CRTAC1: variants seen among roughly 807,000 people sequenced by gnomAD.
The protein encoded by CRTAC1 is cartilage acidic protein 1.
In CRTAC1, 37 loss-of-function variants were observed where a neutral mutation model predicts 67.8. The observed-to-expected ratio is 0.55, with a 90% CI of 0.42 to 0.72. The LOEUF (loss-of-function observed/expected upper bound fraction) is 0.72. Among genes scored for constraint, CRTAC1 ranks in the 30% least tolerant of loss-of-function variants. The pLI, the probability that CRTAC1 is intolerant of heterozygous loss-of-function variation, is 0.00. For synonymous variants in CRTAC1, 348 were observed against 371.0 expected (o/e 0.94, Z 0.71); for missense variants, 780 against 931.6 (o/e 0.84, Z 2.12).
chr10:98,022,703 GCCAC>G (rs1843148827), intron 1 of CRTAC1, among the ~76,000 whole-genome samples: 2 of 152,164 alleles, frequency 1.3e-5, no homozygotes, highest in African/African-American at 4.8e-5. Context: ...AGCCTGCTAT[GCCAC>G]GGTAAGGAGC....
chr10:98,000,018 C>T (rs1002603151), intron 2 of CRTAC1, among the ~76,000 whole-genome samples: 4 of 152,274 alleles, frequency 2.6e-5, no homozygotes, highest in East Asian at 1.9e-4. Context: ...GCTGAACACT[C>T]GACAGGACAC....
Position 98,023,254 on chromosome 10 carries a change from C to T in CRTAC1, c.24+7195G>A, listed in dbSNP as rs116506511. Among the ~76,000 whole-genome samples the T allele has an allele frequency of 1.2e-3, 182 of 152,288 alleles. 1 individual carries two copies. Among genetic ancestry groups the T allele is most frequent in the African/African-American group, 4.1e-3 (171 of 41,556 alleles). On this transcript the variant is annotated intron_variant, in intron 1 of 14. Coordinates refer to ENST00000370597, the MANE Select transcript of CRTAC1 (RefSeq NM_018058.7). ...GTGGGCCTTGCCTGGAGTCCTCAAG[C>T]GCTGCTTGATCAGGGGACCTTTGGA... is the stretch of plus-strand genomic sequence containing the variant.
chr10:97,968,673 C>T (rs1356958190), intron 2 of CRTAC1, among the ~76,000 whole-genome samples: 3 of 152,174 alleles, frequency 2.0e-5, no homozygotes, highest in African/African-American at 4.8e-5. Context: ...AAGGCAGTGC[C>T]GCCCCAGCTT....
chr10:98,003,019 G>A (rs753157356), intron 2 of CRTAC1, among the ~76,000 whole-genome samples: 3 of 151,446 alleles, frequency 2.0e-5, no homozygotes, highest in Non-Finnish European at 4.4e-5. Flanking sequence ...TCCTGACCTC[G>A]TGATCTGCCC....
At chr10:97,966,428 G>A (rs1295701422) in intron 2 of CRTAC1, among the ~76,000 whole-genome samples, 1 of 152,162 alleles carries the variant, frequency 6.6e-6, no homozygotes, top group Non-Finnish European at 1.5e-5. Context: ...TTTTTTAAGT[G>A]CACATTTTAG....
At chr10:97,973,279 G>A (rs919535713) in intron 2 of CRTAC1, among the ~76,000 whole-genome samples, 1 of 152,110 alleles carries the variant, frequency 6.6e-6, no homozygotes, top group Non-Finnish European at 1.5e-5. Flanking sequence ...CGGCTTCACT[G>A]TTCAGCCTTG....
chr10:97,902,678 C>T (rs940603983), intron 7 of CRTAC1, among the ~76,000 whole-genome samples: 15 of 152,146 alleles, frequency 9.9e-5, no homozygotes, highest in African/African-American at 3.6e-4. Context: ...GTCCCAGGGC[C>T]CACGTGGAGA....
chr10:97,877,376 A>T (rs1407978562), intron 14 of CRTAC1, among the ~76,000 whole-genome samples: 1 of 152,186 alleles, frequency 6.6e-6, no homozygotes, highest in East Asian at 1.9e-4. Flanking sequence ...AGTACCTGGC[A>T]CATAATAGGT....
At chr10:97,894,711 C>CATATATATATATATATAT (rs66795716) in intron 11 of CRTAC1, among the ~76,000 whole-genome samples, 1 of 60,062 alleles carries the variant, frequency 1.7e-5, no homozygotes, top group Non-Finnish European at 3.3e-5. Flanking sequence ...GATGCTTTTA[C>CATATATATATATATATAT]ATATATATAT....
At chr10:98,027,931 T>C (rs1843272635) in intron 1 of CRTAC1, among the ~76,000 whole-genome samples, 1 of 152,206 alleles carries the variant, frequency 6.6e-6, no homozygotes, top group Admixed American at 6.5e-5. Context: ...CAAATAGCCA[T>C]GTGACCTTGG....
intron 2 of CRTAC1, among the ~76,000 whole-genome samples, chr10:97,938,045 G>A (rs1202780663): frequency 6.6e-6 from 1 of 152,240 alleles, no homozygotes; most frequent in South Asian, 2.1e-4. Flanking sequence ...AGGTTTGGGG[G>A]ATGCTGAGCA....
At chr10:97,891,464 G>T (rs188473655) in intron 11 of CRTAC1, among the ~76,000 whole-genome samples, 4 of 152,332 alleles carry the variant, frequency 2.6e-5, no homozygotes, top group Admixed American at 2.0e-4. Context: ...CTGGGAAGCT[G>T]CCCAGAACAA....
At chr10:97,980,691 G>C (rs938102791) in intron 2 of CRTAC1, among the ~76,000 whole-genome samples, 1 of 152,164 alleles carries the variant, frequency 6.6e-6, no homozygotes, top group African/African-American at 2.4e-5. Context: ...ACTTAGACAC[G>C]GAGGCACCTA....
intron 14 of CRTAC1, chr10:97,866,470 C>G (rs2050026360): frequency 6.6e-6 from 1 of 152,244 alleles, no homozygotes; most frequent in South Asian, 2.1e-4. Context: ...GGGCCTGAAT[C>G]TCCTGAACTA....
In CRTAC1 at chr10:97,895,451, C is replaced by T; in HGVS notation, c.1318-38G>A. 6.5e-6 allele frequency: 10 copies of T among 1,546,606 alleles called. No homozygotes were observed. Among genetic ancestry groups the T allele is most frequent in the Non-Finnish European group, 8.7e-6 (10 of 1,147,712 alleles). On this transcript the variant is annotated intron_variant, in intron 10 of 14. Coordinates refer to ENST00000370597, the MANE Select transcript of CRTAC1 (RefSeq NM_018058.7). This position sits in a 1 kb window ranked among gnomAD's most constrained non-coding sequence, Gnocchi z 4.2. ...TGAGAGGCAGACACCCGGTGGGCAT[C>T]AGCATGGTGGGTGGGAAGAGCAGGG... is the stretch of plus-strand genomic sequence containing the variant.
chr10:97,879,865 T>TGGGGGGGGGGGGGGGGG, intron 14 of CRTAC1: 1 of 226,630 alleles, frequency 4.4e-6, no homozygotes, highest in Non-Finnish European at 8.7e-6. Flanking sequence ...GGGGACGGGG[T>TGGGGGGGGGGGGGGGGG]GGGGGTGGAG....
chr10:97,947,480 T>C (rs2051283725), intron 2 of CRTAC1, among the ~76,000 whole-genome samples: 1 of 152,248 alleles, frequency 6.6e-6, no homozygotes, highest in Non-Finnish European at 1.5e-5. Flanking sequence ...GAAAAATATG[T>C]TTAGGGAATA....
At chr10:98,001,976 C>T (rs1001539605) in intron 2 of CRTAC1, among the ~76,000 whole-genome samples, 3 of 152,182 alleles carry the variant, frequency 2.0e-5, no homozygotes, top group Non-Finnish European at 2.9e-5. Flanking sequence ...GTGGGAGTTG[C>T]GTATATTCCA....
rs977482452 is a variant in CRTAC1 at position 97,895,867 on chromosome 10, C to G, written c.1317+18G>C. 2.5e-6 allele frequency: 4 copies of G among 1,601,560 alleles called. No individual in the cohort carries two copies. The African/African-American group carries it at 5.4e-5, about 21-fold the overall frequency. ...GCACACAGGGCTGGGATCTGTGGCT[C>G]CTGAGGTCTTAGCGCACCTGATTGC... On this transcript the variant is annotated intron_variant, in intron 10 of 14. Transcript: ENST00000370597. The surrounding 1 kb of genome is among the most constrained non-coding windows in gnomAD (Gnocchi z 4.2).
Sources: gnomAD v4.1 joint callset for allele counts (sites outside exome capture counted in the v4.1 genomes callset) on GRCh38, gnomAD v4.1.1 for gene constraint, Gnocchi (gnomAD v3.1) non-coding constraint, MANE v1.5 for transcripts, NCBI Gene and HGNC (gene_info 2026-07-23, HGNC 2026-07-21) for gene names.